Variants in RAP1A observed in about 807,000 individuals in gnomAD.
RAP1A encodes RAP1A, member of RAS oncogene family, also known as ras-related protein Rap-1A.
Under a neutral mutation model 26.4 loss-of-function variants are expected in RAP1A, and 6 were observed. That is an observed-to-expected ratio of 0.23 (90% confidence interval 0.12 to 0.45). RAP1A has a LOEUF of 0.45. Ranked by LOEUF, RAP1A falls within the 20% of genes least tolerant of loss-of-function variation. RAP1A has a pLI of 0.99. For missense variants in RAP1A, 121 were observed against 217.2 expected (o/e 0.56, Z 2.78); for synonymous variants, 73 against 79.4 (o/e 0.92, Z 0.43).
chr1:111,694,936 A>T (rs1188673898), intron 2 of RAP1A, among the ~76,000 whole-genome samples: 2 of 151,674 alleles, frequency 1.3e-5, no homozygotes, highest in South Asian at 2.1e-4. Flanking sequence ...CCCTGTGTTT[A>T]AAAAAAAATT....
Position 111,638,332 on chromosome 1 carries a change from A to G in RAP1A, c.-28+18398A>G, listed in dbSNP as rs541341459. Among the ~76,000 whole-genome samples, 149 of 152,080 alleles carry G rather than the reference A, an allele frequency of 9.8e-4. No individual in the cohort carries two copies. In the Middle Eastern group the frequency reaches 0.01, roughly 10 times the overall value. ...GTTTTTGCGTATGTCTTTGTTTTTT[A>G]TTTCTGCAGCATAAATTCCCATTTG... is the stretch of plus-strand genomic sequence containing the variant. On this transcript the variant is annotated intron_variant, in intron 1 of 7. Coordinates refer to ENST00000369709, the MANE Select transcript of RAP1A (RefSeq NM_002884.4).
intron 1 of RAP1A, chr1:111,563,785 G>T: frequency 7.8e-7 from 1 of 1,276,568 alleles, no homozygotes; most frequent in Admixed American, 1.7e-5. Flanking sequence ...AAAGTGGTCA[G>T]TATGCAGACT....
chr1:111,554,774 G>A (rs757998504), intron 1 of RAP1A, among the ~76,000 whole-genome samples: 13 of 152,276 alleles, frequency 8.5e-5, no homozygotes, highest in East Asian at 1.9e-4. Context: ...AAGTGATTCA[G>A]GTTGGTAGAC....
intron 1 of RAP1A, among the ~76,000 whole-genome samples, chr1:111,598,847 C>G (rs1181093372): frequency 6.6e-6 from 1 of 152,130 alleles, no homozygotes; most frequent in East Asian, 1.9e-4. Context: ...ACAAAGCTGC[C>G]CCTACTTCCT....
At chr1:111,607,795 G>A (rs1442025715) in intron 1 of RAP1A, among the ~76,000 whole-genome samples, 9 of 128,488 alleles carry the variant, frequency 7.0e-5, no homozygotes, top group South Asian at 4.8e-4. Flanking sequence ...CCTCCCGGAC[G>A]GGGCGGCTGG....
intron 1 of RAP1A, among the ~76,000 whole-genome samples, chr1:111,686,285 T>TA (rs1661475448): frequency 6.6e-6 from 1 of 152,058 alleles, no homozygotes; most frequent in Non-Finnish European, 1.5e-5. Flanking sequence ...TGATTATTGA[T>TA]ACTGTTGGAA....
At position 111,699,338 on chromosome 1, in the gene RAP1A, C is replaced by T. The variant is rs576066708; in HGVS notation, c.183+1841C>T. Among the ~76,000 whole-genome samples the T allele has an allele frequency of 2.6e-5, 4 of 152,186 alleles. No homozygotes were observed. The South Asian group carries it at 8.3e-4, about 32-fold the overall frequency. On this transcript the variant is annotated intron_variant, in intron 4 of 7. Transcript: ENST00000369709. ...CTTGATGTCCATCCTACCTTTAAGG[C>T]ATTCATACCATGGTTTTACTCTAGG... is the stretch of plus-strand genomic sequence containing the variant.
upstream of RAP1A, among the ~76,000 whole-genome samples, chr1:111,618,995 T>G (rs1571500712): frequency 6.6e-6 from 1 of 152,322 alleles, no homozygotes; most frequent in East Asian, 1.9e-4. Context: ...CGGTCATTCC[T>G]CGGCTCACCC....
chr1:111,669,615 A>G (rs1660913279), intron 1 of RAP1A, among the ~76,000 whole-genome samples: 1 of 152,260 alleles, frequency 6.6e-6, no homozygotes. Context: ...ATTTTGGTTA[A>G]GCCACTTTTG....
At chr1:111,624,397 A>G (rs1169215227) in intron 1 of RAP1A, among the ~76,000 whole-genome samples, 12 of 152,358 alleles carry the variant, frequency 7.9e-5, no homozygotes, top group African/African-American at 2.9e-4. Context: ...GATAATGTTA[A>G]TATTAGCTCA....
intron 1 of RAP1A, among the ~76,000 whole-genome samples, chr1:111,642,773 C>T (rs1373314564): frequency 3.3e-5 from 5 of 149,374 alleles, no homozygotes; most frequent in Admixed American, 1.3e-4. Context: ...AGGCGTGAGC[C>T]GCCGTGCCCA....
At chr1:111,617,061 C>T (rs975187794), upstream of RAP1A, among the ~76,000 whole-genome samples, 2 of 152,084 alleles carry the variant, frequency 1.3e-5, no homozygotes, top group South Asian at 2.1e-4. Context: ...TGTGTGTTTG[C>T]GCATGTGTGT....
intron 1 of RAP1A, among the ~76,000 whole-genome samples, chr1:111,625,653 C>G (rs904843908): frequency 6.6e-6 from 1 of 152,214 alleles, no homozygotes; most frequent in East Asian, 1.9e-4. Context: ...GCTAATCTTA[C>G]AGTTTTACAC....
At chr1:111,643,473 C>T (rs1192356703) in intron 1 of RAP1A, among the ~76,000 whole-genome samples, 1 of 152,178 alleles carries the variant, frequency 6.6e-6, no homozygotes, top group African/African-American at 2.4e-5. Context: ...TAAAATTCTA[C>T]TCACAGCTTT....
chr1:111,620,432 C>T (rs1357766053), intron 1 of RAP1A, among the ~76,000 whole-genome samples: 1 of 149,468 alleles, frequency 6.7e-6, no homozygotes, highest in Non-Finnish European at 1.5e-5. Context: ...CTTTTGGGCC[C>T]GCGGGGGCGG....
chr1:111,627,642 T>C (rs553732205), intron 1 of RAP1A: 2 of 152,108 alleles, frequency 1.3e-5, no homozygotes, highest in Admixed American at 6.6e-5. Flanking sequence ...CCTCATATTA[T>C]TAATAATCTG....
At chr1:111,656,620 C>A (rs988484809) in intron 1 of RAP1A, among the ~76,000 whole-genome samples, 2 of 152,140 alleles carry the variant, frequency 1.3e-5, no homozygotes, top group Non-Finnish European at 2.9e-5. Flanking sequence ...AGTTCTCAGT[C>A]GCATCTTAAT....
At chr1:111,601,046 T>C (rs1658660056) in intron 1 of RAP1A, among the ~76,000 whole-genome samples, 1 of 152,180 alleles carries the variant, frequency 6.6e-6, no homozygotes, top group African/African-American at 2.4e-5. Context: ...TACTCCCCTC[T>C]CCATAACAGC....
intron 1 of RAP1A, among the ~76,000 whole-genome samples, chr1:111,642,777 G>T (rs1203252077): frequency 2.1e-5 from 3 of 145,194 alleles, no homozygotes; most frequent in African/African-American, 7.6e-5. Context: ...GTGAGCCGCC[G>T]TGCCCAGCCT....
Sources: allele counts gnomAD v4.1 joint callset (sites outside exome capture counted in the v4.1 genomes callset), GRCh38; gene constraint gnomAD v4.1.1; transcripts MANE v1.5; gene names NCBI Gene and HGNC (gene_info 2026-07-23, HGNC 2026-07-21).